The following ANKS1B variants were observed in gnomAD, a reference collection of about 807,000 sequenced individuals.
The protein encoded by ANKS1B is ankyrin repeat and sterile alpha motif domain-containing protein 1B.
In ANKS1B, 36 loss-of-function variants were observed where a neutral mutation model predicts 148.3. The ratio of observed to expected loss-of-function variants is 0.24; its 90% CI spans 0.19 to 0.32. The LOEUF (loss-of-function observed/expected upper bound fraction) is 0.32, where lower values mean the gene tolerates loss of function less well. ANKS1B is among the 10% of genes least tolerant of loss of function. ANKS1B has a pLI of 1.00. For missense variants in ANKS1B, 1,157 were observed against 1,542.6 expected (o/e 0.75, Z 4.19); for synonymous variants, 542 against 560.8 (o/e 0.97, Z 0.47).
intron 9 of ANKS1B, among the ~76,000 whole-genome samples, chr12:98,737,449 T>G (rs1273818750): frequency 1.3e-5 from 2 of 152,206 alleles, no homozygotes; most frequent in African/African-American, 4.8e-5. Context: ...CTGTCATGGC[T>G]TTTGTTGTTT....
chr12:98,868,131 C>G (rs533412794), intron 17 of ANKS1B, among the ~76,000 whole-genome samples: 1 of 152,290 alleles, frequency 6.6e-6, no homozygotes, highest in African/African-American at 2.4e-5. Flanking sequence ...GATTAATAAA[C>G]AGGTTTCAGC....
At chr12:99,815,642 C>T (rs2069014367) in intron 2 of ANKS1B, among the ~76,000 whole-genome samples, 1 of 151,620 alleles carries the variant, frequency 6.6e-6, no homozygotes, top group Non-Finnish European at 1.5e-5. Context: ...CTTCACTCCC[C>T]TCCAAACCTC....
chr12:99,808,808 T>C (rs1326907000), intron 3 of ANKS1B, among the ~76,000 whole-genome samples: 1 of 152,072 alleles, frequency 6.6e-6, no homozygotes, highest in Non-Finnish European at 1.5e-5. Context: ...AAATAATGAT[T>C]CCTCAAAGGC....
rs1353865999 is a variant in ANKS1B at position 98,807,596 on chromosome 12, C to T, written c.3141+248G>A. Among the ~76,000 whole-genome samples, 4 of 152,114 alleles carry T rather than the reference C, an allele frequency of 2.6e-5. No individual in the cohort carries two copies. In the East Asian group the frequency reaches 7.7e-4, roughly 29 times the overall value. ...CAGACGCCTGGAATGAAAGCCAAAA[C>T]TCACATGGGACATATTTTAACCATA... On this transcript the variant is annotated intron_variant, in intron 20 of 26. Coordinates refer to ENST00000683438, the MANE Select transcript of ANKS1B (RefSeq NM_001352186.2).
chr12:99,508,423 T>C (rs531419314), intron 9 of ANKS1B, among the ~76,000 whole-genome samples: 1 of 151,782 alleles, frequency 6.6e-6, no homozygotes, highest in Non-Finnish European at 1.5e-5. Flanking sequence ...GTAGATTCTA[T>C]AGAATCTTAA....
chr12:99,867,892 C>G (rs368625630), intron 1 of ANKS1B, among the ~76,000 whole-genome samples: 2 of 152,282 alleles, frequency 1.3e-5, no homozygotes, highest in East Asian at 3.9e-4. Context: ...AAATCCTAAT[C>G]GTGAACATGA....
At chr12:99,495,344 TGTG>T (rs2096594069) in intron 10 of ANKS1B, among the ~76,000 whole-genome samples, 1 of 111,646 alleles carries the variant, frequency 9.0e-6, no homozygotes, top group Non-Finnish European at 1.8e-5. Context: ...GGAGAAAAAG[TGTG>T]TGTGTGTGTG....
At chr12:99,582,348 T>TAAA (rs1337906173) in intron 9 of ANKS1B, among the ~76,000 whole-genome samples, 1 of 149,214 alleles carries the variant, frequency 6.7e-6, no homozygotes, top group African/African-American at 2.5e-5. Context: ...AGGTATTTTT[T>TAAA]AAAAAAAAAA....
chr12:98,778,793 A>G (rs140996031), intron 24 of ANKS1B, among the ~76,000 whole-genome samples: 24 of 151,956 alleles, frequency 1.6e-4, no homozygotes, highest in African/African-American at 5.8e-4. Flanking sequence ...GCCTTCCACT[A>G]TTTTCTTTCT....
chr12:99,434,638 C>G (rs1252298305), intron 11 of ANKS1B, among the ~76,000 whole-genome samples: 1 of 152,052 alleles, frequency 6.6e-6, no homozygotes, highest in Non-Finnish European at 1.5e-5. Flanking sequence ...TATTAAATGT[C>G]TATTTAATCA....
chr12:99,427,169 T>C (rs999441974), intron 11 of ANKS1B, among the ~76,000 whole-genome samples: 4 of 152,166 alleles, frequency 2.6e-5, no homozygotes, highest in Non-Finnish European at 5.9e-5. Flanking sequence ...CTAGCCAGAG[T>C]GATCTTTTAA....
At chr12:99,554,480 T>G (rs1356330433) in intron 9 of ANKS1B, among the ~76,000 whole-genome samples, 1 of 152,154 alleles carries the variant, frequency 6.6e-6, no homozygotes, top group Non-Finnish European at 1.5e-5. Flanking sequence ...AGTCATTAGC[T>G]AAATCATCCT....
At chr12:99,959,495 C>T (rs1223152216) in intron 1 of ANKS1B, among the ~76,000 whole-genome samples, 1 of 151,998 alleles carries the variant, frequency 6.6e-6, no homozygotes, top group Non-Finnish European at 1.5e-5. Context: ...TAAAATCTAA[C>T]ATTAAAAAAT....
At chr12:99,903,695 T>C (rs564715901) in intron 1 of ANKS1B, among the ~76,000 whole-genome samples, 23 of 151,874 alleles carry the variant, frequency 1.5e-4, no homozygotes, top group Admixed American at 2.6e-4. Flanking sequence ...ATATACAAAG[T>C]TGCCAAATAA....
At chr12:99,094,816 T>G (rs769043246) in intron 15 of ANKS1B, among the ~76,000 whole-genome samples, 17 of 152,186 alleles carry the variant, frequency 1.1e-4, no homozygotes, top group Admixed American at 4.6e-4. Flanking sequence ...TTGATTGTAT[T>G]CCAAGTGCAA....
chr12:99,312,434 TA>T (rs2083307105), intron 12 of ANKS1B, among the ~76,000 whole-genome samples: 1 of 152,188 alleles, frequency 6.6e-6, no homozygotes, highest in South Asian at 2.1e-4. Flanking sequence ...TTACTTGTTT[TA>T]AACAGTCTCT....
At chr12:98,864,330 A>G (rs927892284) in intron 17 of ANKS1B, among the ~76,000 whole-genome samples, 5 of 152,148 alleles carry the variant, frequency 3.3e-5, no homozygotes, top group African/African-American at 1.2e-4. Context: ...TGAAATATAC[A>G]ATATACTGTT....
chr12:99,094,661 T>C (rs2055291196), intron 15 of ANKS1B, among the ~76,000 whole-genome samples: 1 of 152,208 alleles, frequency 6.6e-6, no homozygotes, highest in South Asian at 2.1e-4. Context: ...GCAAAGGCAC[T>C]GAGGTGAGGA....
chr12:98,894,678 G>A, intron 17 of ANKS1B: 1 of 985,678 alleles, frequency 1.0e-6, no homozygotes, highest in African/African-American at 1.7e-5. Context: ...GGGCTGGCGG[G>A]CTCTGGCCCC....
Sources: allele counts gnomAD v4.1 joint callset (sites outside exome capture counted in the v4.1 genomes callset), GRCh38; gene constraint gnomAD v4.1.1; transcripts MANE v1.5; gene names NCBI Gene and HGNC (gene_info 2026-07-23, HGNC 2026-07-21).